NTM: variants seen among roughly 807,000 people sequenced by gnomAD.
The protein encoded by NTM is IgLON family member 2.
In NTM, 13 loss-of-function variants were observed where a neutral mutation model predicts 42.1. The ratio of observed to expected loss-of-function variants is 0.31; its 90% CI spans 0.20 to 0.49. The LOEUF (loss-of-function observed/expected upper bound fraction) is 0.49. Ranked by LOEUF, NTM falls within the 20% of genes least tolerant of loss-of-function variation. NTM has a pLI of 0.99. For synonymous variants in NTM, 187 were observed against 179.2 expected, an observed-to-expected ratio of 1.04 and a Z score of -0.35; for missense variants, 373 against 452.8, an observed-to-expected ratio of 0.82 and a Z score of 1.60.
chr11:131,432,280 A>G (rs1591647262), intron 1 of NTM, among the ~76,000 whole-genome samples: 1 of 152,334 alleles, frequency 6.6e-6, no homozygotes, highest in Non-Finnish European at 1.5e-5. Flanking sequence ...ATGTCAGACA[A>G]CAAGACCTAT....
intron 1 of NTM, among the ~76,000 whole-genome samples, chr11:131,527,491 G>A (rs1020499370): frequency 6.6e-6 from 1 of 152,142 alleles, no homozygotes; most frequent in Non-Finnish European, 1.5e-5. Flanking sequence ...TTACCTGGAT[G>A]GATTACACTG....
intron 1 of NTM, among the ~76,000 whole-genome samples, chr11:131,768,278 C>A (rs987187193): frequency 6.6e-6 from 1 of 151,854 alleles, no homozygotes; most frequent in African/African-American, 2.4e-5. Flanking sequence ...GCCACCATGC[C>A]CGGCTAATTT....
chr11:132,192,141 T>C (rs1232127183), intron 3 of NTM, among the ~76,000 whole-genome samples: 1 of 152,102 alleles, frequency 6.6e-6, no homozygotes, highest in South Asian at 2.1e-4. Flanking sequence ...GAGGTCAACA[T>C]GCAAATTCAA....
intron 4 of NTM, among the ~76,000 whole-genome samples, chr11:132,262,628 C>T (rs538782577): frequency 5.3e-5 from 8 of 152,234 alleles, no homozygotes; most frequent in South Asian, 2.1e-4. Flanking sequence ...ACTCCACCCT[C>T]GTAAGCTAAT....
At chr11:131,490,291 G>A (rs1434144518) in intron 1 of NTM, among the ~76,000 whole-genome samples, 1 of 152,118 alleles carries the variant, frequency 6.6e-6, no homozygotes, top group African/African-American at 2.4e-5. Flanking sequence ...CCTGCTACAT[G>A]AGCTCAAAGC....
chr11:132,135,941 T>A (rs909085684), intron 2 of NTM, among the ~76,000 whole-genome samples: 2 of 152,196 alleles, frequency 1.3e-5, no homozygotes, highest in Admixed American at 6.5e-5. Flanking sequence ...GGGATGCATC[T>A]TGTTCCCCAA....
intron 2 of NTM, among the ~76,000 whole-genome samples, chr11:131,939,933 A>C (rs886572379): frequency 6.6e-6 from 1 of 152,202 alleles, no homozygotes; most frequent in Admixed American, 6.5e-5. Flanking sequence ...AGAAAGTTTG[A>C]TTTGAGGAAA....
chr11:131,735,835 G>GGGGTGTGTGTGTGTGT (rs1491265028), intron 1 of NTM, among the ~76,000 whole-genome samples: 122 of 121,376 alleles, frequency 1.0e-3, no homozygotes, highest in African/African-American at 3.1e-3. Flanking sequence ...CCATTCATAA[G>GGGGTGTGTGTGTGTGT]GTGTGTGTGT....
chr11:131,605,745 T>G (rs2060895581), intron 1 of NTM: 1 of 972,884 alleles, frequency 1.0e-6, no homozygotes, highest in Admixed American at 6.2e-5. Context: ...TTTGTATCAT[T>G]TAAAGTTTGA....
chr11:132,090,457 C>T (rs983778348), intron 2 of NTM, among the ~76,000 whole-genome samples: 6 of 152,134 alleles, frequency 3.9e-5, no homozygotes, highest in Non-Finnish European at 4.4e-5. Context: ...TTCCCATGCC[C>T]AGTAACTTCA....
chr11:131,984,979 G>GC (rs1364618193), intron 2 of NTM, among the ~76,000 whole-genome samples: 2 of 152,162 alleles, frequency 1.3e-5, no homozygotes, highest in Non-Finnish European at 2.9e-5. Flanking sequence ...AGCCTTTGCT[G>GC]CTTAGAACCA....
At chr11:131,565,036 C>A (rs1238524075) in intron 1 of NTM, among the ~76,000 whole-genome samples, 16 of 152,252 alleles carry the variant, frequency 1.1e-4, no homozygotes, top group Admixed American at 1.0e-3. Flanking sequence ...TTCTTTGGTC[C>A]TTCTCACATC....
chr11:131,959,138 G>A (rs181429964), intron 2 of NTM, among the ~76,000 whole-genome samples: 1 of 152,194 alleles, frequency 6.6e-6, no homozygotes. Context: ...CTGTGCTGAG[G>A]TGGTTTGCAC....
chr11:132,034,264 G>A (rs952978856), intron 2 of NTM, among the ~76,000 whole-genome samples: 2 of 152,190 alleles, frequency 1.3e-5, no homozygotes, highest in African/African-American at 4.8e-5. Context: ...GTGGATAAAT[G>A]TAGACTATCT....
intron 2 of NTM, among the ~76,000 whole-genome samples, chr11:131,970,573 C>T (rs574842841): frequency 1.8e-4 from 28 of 152,354 alleles, no homozygotes; most frequent in African/African-American, 6.5e-4. Context: ...TGGTCCTAGC[C>T]TCTGGGATTC....
intron 1 of NTM, among the ~76,000 whole-genome samples, chr11:131,465,737 A>C (rs1201539725): frequency 6.6e-6 from 1 of 150,414 alleles, no homozygotes; most frequent in Non-Finnish European, 1.5e-5. Flanking sequence ...GCACAGACAG[A>C]CAGGACTAGA....
intron 2 of NTM, among the ~76,000 whole-genome samples, chr11:132,111,051 A>G (rs1164013693): frequency 3.0e-5 from 4 of 133,916 alleles, no homozygotes; most frequent in Non-Finnish European, 4.7e-5. Context: ...GTGACACAGC[A>G]AGGCCCTATC....
chr11:131,595,173 G>T (rs1592156942), intron 1 of NTM, among the ~76,000 whole-genome samples: 1 of 152,142 alleles, frequency 6.6e-6, no homozygotes, highest in African/African-American at 2.4e-5. Context: ...TCAGCATGGG[G>T]CTTGCTGCTC....
chr11:131,874,144 G>C (rs1009542637), intron 1 of NTM, among the ~76,000 whole-genome samples: 2 of 145,918 alleles, frequency 1.4e-5, no homozygotes, highest in African/African-American at 2.5e-5. Context: ...GGCCTTCTTG[G>C]TCTCACCTGG....
Sources: gnomAD v4.1 joint callset for allele counts (sites outside exome capture counted in the v4.1 genomes callset) on GRCh38, gnomAD v4.1.1 for gene constraint, MANE v1.5 for transcripts, NCBI Gene and HGNC (gene_info 2026-07-23, HGNC 2026-07-21) for gene names.